Variants in CEMIP observed in about 807,000 individuals in gnomAD.
CEMIP encodes the protein cell migration-inducing and hyaluronan-binding protein.
Under a neutral mutation model 156.9 loss-of-function variants are expected in CEMIP, and 105 were observed. The ratio of observed to expected loss-of-function variants is 0.67; its 90% CI spans 0.57 to 0.79. CEMIP has a LOEUF of 0.79. Ranked by LOEUF, CEMIP falls within the 30% of genes least tolerant of loss-of-function variation. CEMIP has a pLI of 0.00. For synonymous variants in CEMIP, 676 were observed against 668.4 expected (o/e 1.01, Z -0.17); for missense variants, 1,457 against 1,769.4 (o/e 0.82, Z 3.17).
In CEMIP at chr15:80,931,977, A is replaced by C. The variant is rs1900932618; in HGVS notation, c.2731A>C (p.Asn911His). 6.2e-7 allele frequency: 1 copy of C among 1,614,202 alleles called. No individual in the cohort carries two copies. Among genetic ancestry groups the C allele is most frequent in the Non-Finnish European group, 8.5e-7 (1 of 1,180,050 alleles). The part of the protein sequence containing the change: ...RHTSALAFRL[N>H]NAWQSCPHNN... ...CACCAGCGCCCTGGCCTTCCGCCTG[A>C]ATAATGCCTGGCAGAGCTGCCCCCA... Residue 911 changes from asparagine to histidine, a missense_variant, in exon 22 of 30, where the codon AAT (asparagine) becomes CAT (histidine). Coordinates refer to ENST00000394685, the MANE Select transcript of CEMIP (RefSeq NM_001293298.2).
chr15:80,824,320 G>A (rs1896980574), intron 1 of CEMIP, among the ~76,000 whole-genome samples: 1 of 152,190 alleles, frequency 6.6e-6, no homozygotes, highest in Non-Finnish European at 1.5e-5. Flanking sequence ...TTACCCACTA[G>A]TGCCACCTGC....
chr15:80,930,908 A>C (rs780641696), intron 21 of CEMIP, among the ~76,000 whole-genome samples: 1 of 152,140 alleles, frequency 6.6e-6, no homozygotes, highest in Non-Finnish European at 1.5e-5. Context: ...ATAAGCATAC[A>C]TGTTGGGTTT....
intron 1 of CEMIP, among the ~76,000 whole-genome samples, chr15:80,786,547 G>T (rs1895943299): frequency 8.4e-6 from 1 of 118,910 alleles, no homozygotes; most frequent in African/African-American, 3.7e-5. Flanking sequence ...TAATATTCTG[G>T]ATGTCTTGCT....
intron 9 of CEMIP, among the ~76,000 whole-genome samples, chr15:80,889,102 A>G (rs1898948859): frequency 6.6e-6 from 1 of 152,224 alleles, no homozygotes; most frequent in African/African-American, 2.4e-5. Context: ...AAATGCAGAT[A>G]GGAATAGAAC....
intron 1 of CEMIP, among the ~76,000 whole-genome samples, chr15:80,829,965 G>GGGGTGTGTGTGTGTGT (rs1555428874): frequency 7.5e-6 from 1 of 133,710 alleles, no homozygotes; most frequent in African/African-American, 2.9e-5. Flanking sequence ...GGAGGTAGCG[G>GGGGTGTGTGTGTGTGT]GTGTGTGTGT....
In CEMIP at chr15:80,843,482, G is replaced by A. The variant is rs181490385; in HGVS notation, c.-175-30056G>A. On this transcript the variant is annotated intron_variant, in intron 1 of 29. Transcript: ENST00000394685. ...ATGGATGACAGTTCTGGCTGGAGGG[G>A]CAGGGGGGCTGCTACACCCACTCCC... is the stretch of plus-strand genomic sequence containing the variant. Among the ~76,000 whole-genome samples, 45 of 152,330 alleles carry A rather than the reference G, an allele frequency of 3.0e-4. No homozygotes were observed. In the East Asian group the frequency reaches 5.0e-3, roughly 17 times the overall value.
chr15:80,889,434 A>G, intron 9 of CEMIP, 37 bp from the exon 10 acceptor site: 2 of 1,613,494 alleles, frequency 1.2e-6, no homozygotes, highest in Non-Finnish European at 1.7e-6. Flanking sequence ...CTCACAGACA[A>G]CCTCCTGTCT....
rs1901582392 is a variant in CEMIP, at chr15:80,946,969, A to C, written c.3862A>C (p.Ile1288Leu). 1.2e-6 allele frequency: 2 copies of C among 1,610,652 alleles called. No individual in the cohort carries two copies. The highest frequency in any genetic ancestry group is 1.3e-5 in the African/African-American group (1 of 74,828). The change falls in exon 29 of 30, where the codon ATA (isoleucine) becomes CTA (leucine). Residue 1288 changes from isoleucine to leucine, a missense_variant. Physicochemically the swap from Ile to Leu is conservative, Grantham distance 5. This residue lies in a region of CEMIP where 798 missense variants were observed against 980.1 expected (regional missense o/e 0.81). Coordinates refer to ENST00000394685, the MANE Select transcript of CEMIP (RefSeq NM_001293298.2). ...NYVATIPDNS[I>L]VLMASKGRYV... ...AATTGGTTTCTTCTCACACAGTTCC[A>C]TAGTGCTTATGGCATCAAAGGGAAG...
At chr15:80,790,040 T>C (rs1896041966) in intron 1 of CEMIP, among the ~76,000 whole-genome samples, 1 of 152,110 alleles carries the variant, frequency 6.6e-6, no homozygotes, top group South Asian at 2.1e-4. Context: ...TAGTGGCCAT[T>C]GTGGGATACG....
chr15:80,790,905 C>T (rs1180184542), intron 1 of CEMIP, among the ~76,000 whole-genome samples: 3 of 152,128 alleles, frequency 2.0e-5, no homozygotes, highest in Admixed American at 1.3e-4. Flanking sequence ...ATTCAACTAC[C>T]TACAATCCAT....
At chr15:80,890,694 C>T (rs1899008515) in intron 10 of CEMIP, among the ~76,000 whole-genome samples, 6 of 152,080 alleles carry the variant, frequency 3.9e-5, no homozygotes, top group Admixed American at 3.9e-4. Context: ...ACACTTTTTC[C>T]TAGAATATCA....
In CEMIP at chr15:80,943,250, T is replaced by C; in HGVS notation, c.3857+148T>C. ...CAGCCTGCCCACAAATCATGGGTGT[T>C]GGACAAGAGCGTCCTTGCCTGTGGA... On this transcript the variant is annotated intron_variant, in intron 28 of 29. Transcript: ENST00000394685. The C allele has an allele frequency of 6.6e-6, 6 of 907,656 alleles. No homozygotes were observed. In the South Asian group the frequency reaches 7.9e-5, roughly 12 times the overall value. 56.2% of individuals were successfully genotyped at this position (907,656 alleles called of 1,614,324 possible). A position where few individuals can be genotyped will look rare whatever the true frequency, so the allele number is the denominator to read the frequency against.
At chr15:80,934,795 C>T (rs111864920) in intron 23 of CEMIP, among the ~76,000 whole-genome samples, 3,306 of 152,122 alleles carry the variant, frequency 0.022, 115 homozygotes, top group African/African-American at 0.072. Flanking sequence ...TAGCATTTAG[C>T]AGGAAGAAGG....
intron 12 of CEMIP, among the ~76,000 whole-genome samples, chr15:80,900,312 G>T (rs1037779805): frequency 8.7e-6 from 1 of 114,374 alleles, no homozygotes; most frequent in Non-Finnish European, 2.0e-5. Flanking sequence ...GTCCCTGAAG[G>T]CTGGACAGAA....
In CEMIP at chr15:80,873,661, C is replaced by G. The variant is rs907033836; in HGVS notation, c.-52C>G. ...GGTAGGATTTTCATGCCCCGATCTG[C>G]CTGGCCTTGAGTTGTGGCAGCTGGG... On this transcript the variant is annotated 5_prime_UTR_variant, in exon 2 of 30. Transcript: ENST00000394685. The G allele has an allele frequency of 3.5e-6, 2 of 572,120 alleles. No individual in the cohort carries two copies. Among genetic ancestry groups the G allele is most frequent in the African/African-American group, 3.7e-5 (2 of 53,568 alleles). The allele number at this position is 572,120 out of a possible 1,614,324, so 35.4% of individuals were successfully genotyped here.
intron 16 of CEMIP, 147 bp downstream of exon 16, chr15:80,921,248 A>C: frequency 9.3e-6 from 7 of 753,838 alleles, no homozygotes; most frequent in East Asian, 2.9e-5. Flanking sequence ...GAAGAGGAAA[A>C]CGACAGACTG....
chr15:80,945,987 C>A (rs1901537086), intron 28 of CEMIP, among the ~76,000 whole-genome samples: 1 of 152,246 alleles, frequency 6.6e-6, no homozygotes, highest in East Asian at 1.9e-4. Flanking sequence ...GTCTTTCAAG[C>A]ACATTTCCCT....
At chr15:80,804,409 A>AG (rs1223447045) in intron 1 of CEMIP, among the ~76,000 whole-genome samples, 1 of 152,212 alleles carries the variant, frequency 6.6e-6, no homozygotes, top group Non-Finnish European at 1.5e-5. Flanking sequence ...TGGTGGAAAG[A>AG]GCTCTGGACT....
chr15:80,866,849 A>G (rs1898143299), intron 1 of CEMIP, among the ~76,000 whole-genome samples: 2 of 151,856 alleles, frequency 1.3e-5, no homozygotes, highest in African/African-American at 4.8e-5. Context: ...TTACTATCCA[A>G]ATAATGATTT....
Sources: allele counts gnomAD v4.1 joint callset (sites outside exome capture counted in the v4.1 genomes callset), GRCh38; gene constraint gnomAD v4.1.1; regional missense constraint gnomAD v4.1.1; transcripts MANE v1.5; gene names NCBI Gene and HGNC (gene_info 2026-07-23, HGNC 2026-07-21).